Variants in RIMS2 observed in about 807,000 individuals in gnomAD.
The protein encoded by RIMS2 is regulating synaptic membrane exocytosis 2.
RIMS2 carries 59 observed loss-of-function variants against 174.4 expected under a neutral mutation model. The ratio of observed to expected loss-of-function variants is 0.34; its 90% CI spans 0.27 to 0.42. RIMS2 has a LOEUF of 0.42. Ranked by LOEUF, RIMS2 falls within the 10% of genes least tolerant of loss-of-function variation. The pLI, the probability that RIMS2 is intolerant of heterozygous loss-of-function variation, is 1.00. For missense variants in RIMS2, 1,620 were observed against 1,666.3 expected (o/e 0.97, Z 0.48); for synonymous variants, 606 against 572.5 (o/e 1.06, Z -0.84).
At chr8:103,747,442 T>A (rs1281170837) in intron 2 of RIMS2, among the ~76,000 whole-genome samples, 3 of 151,240 alleles carry the variant, frequency 2.0e-5, no homozygotes, top group Non-Finnish European at 2.9e-5. Flanking sequence ...AAAAAAAAAA[T>A]ATGACATGAT....
intron 1 of RIMS2, among the ~76,000 whole-genome samples, chr8:103,682,680 C>T (rs1250852149): frequency 1.3e-5 from 2 of 152,212 alleles, no homozygotes; most frequent in South Asian, 2.1e-4. Context: ...CTAGCAGTGT[C>T]TCATTTTATA....
chr8:103,749,297 A>T lies in RIMS2; in HGVS notation c.388-16930A>T, dbSNP rs576833009. Among the ~76,000 whole-genome samples the T allele has an allele frequency of 3.3e-5, 5 of 150,108 alleles. No homozygotes were observed. In the South Asian group the frequency reaches 1.0e-3, roughly 32 times the overall value. On this transcript the variant is annotated intron_variant, in intron 2 of 23. Transcript: ENST00000504942. ...CGGCTAACTTTTTTGTATTTTTAGTAGAAACGGGGTTTCACCATGTTCTCC... is the reference window on the plus strand; with the variant it reads ...CGGCTAACTTTTTTGTATTTTTAGTTGAAACGGGGTTTCACCATGTTCTCC...
At chr8:104,063,697 T>A (rs1445736325) in intron 19 of RIMS2, among the ~76,000 whole-genome samples, 1 of 152,202 alleles carries the variant, frequency 6.6e-6, no homozygotes, top group Non-Finnish European at 1.5e-5. Flanking sequence ...TGTAAGATCC[T>A]CAGATTTGAG....
At chr8:103,591,354 G>T (rs970526062) in intron 1 of RIMS2, among the ~76,000 whole-genome samples, 1 of 150,884 alleles carries the variant, frequency 6.6e-6, no homozygotes, top group African/African-American at 2.4e-5. Context: ...TTCTCCCAGT[G>T]TATGCTTGTC....
chr8:104,086,938 C>G (rs1453429382), intron 19 of RIMS2, among the ~76,000 whole-genome samples: 1 of 152,140 alleles, frequency 6.6e-6, no homozygotes, highest in Non-Finnish European at 1.5e-5. Flanking sequence ...GCCCAACTGT[C>G]TGTTCAGTGA....
intron 1 of RIMS2, among the ~76,000 whole-genome samples, chr8:103,569,388 TG>T (rs1345306164): frequency 6.6e-6 from 1 of 152,196 alleles, no homozygotes; most frequent in Non-Finnish European, 1.5e-5. Flanking sequence ...AGAACTGATC[TG>T]AAAAAAAGCT....
Position 103,758,176 on chromosome 8 carries a change from C to T in RIMS2, c.388-8051C>T, listed in dbSNP as rs1212729828. ...TAGGACCTCCTGTCTTTCTCTTCTTCTCTTTCTTCCTTCCTCTTTCCTCTG... is the reference window on the plus strand; with the variant it reads ...TAGGACCTCCTGTCTTTCTCTTCTTTTCTTTCTTCCTTCCTCTTTCCTCTG... On this transcript the variant is annotated intron_variant, in intron 2 of 23. Transcript: ENST00000504942. Among the ~76,000 whole-genome samples, 11 of 152,150 alleles carry T rather than the reference C, an allele frequency of 7.2e-5. 1 individual carries two copies. In the East Asian group the frequency reaches 2.1e-3, roughly 29 times the overall value.
At chr8:103,590,913 A>G (rs568195319) in intron 1 of RIMS2, among the ~76,000 whole-genome samples, 2 of 151,040 alleles carry the variant, frequency 1.3e-5, no homozygotes, top group Non-Finnish European at 3.0e-5. Context: ...CCTGTAAGTG[A>G]AATTGCTGGA....
At chr8:104,170,154 A>G (rs1274440221) in intron 19 of RIMS2, among the ~76,000 whole-genome samples, 4 of 152,048 alleles carry the variant, frequency 2.6e-5, no homozygotes, top group African/African-American at 9.7e-5. Context: ...GTTGGGAAAC[A>G]TTTTCTGTAA....
rs1477006672 is a variant in RIMS2 at position 103,935,147 on chromosome 8, C to G, written c.2376-1404C>G. 2.6e-5 allele frequency among the ~76,000 whole-genome samples: 4 copies of G among 152,150 alleles called. No homozygotes were observed. The East Asian group carries it at 7.7e-4, about 29-fold the overall frequency. On this transcript the variant is annotated intron_variant, in intron 12 of 23. Transcript: ENST00000504942. ...GATGTTAAATAAATATTTGTTAAAG[C>G]TATAAACGAAAGGAGGGAGAGAAAG...
At chr8:103,672,790 C>G (rs2096761185) in intron 1 of RIMS2, among the ~76,000 whole-genome samples, 1 of 152,100 alleles carries the variant, frequency 6.6e-6, no homozygotes, top group Admixed American at 6.5e-5. Flanking sequence ...TCATTTCCTT[C>G]TCACATAACT....
chr8:103,859,554 A>T (rs2099047646), intron 3 of RIMS2, among the ~76,000 whole-genome samples: 1 of 152,074 alleles, frequency 6.6e-6, no homozygotes, highest in South Asian at 2.1e-4. Flanking sequence ...TTCAACACAG[A>T]AAAAGATAAT....
At chr8:104,161,289 G>A (rs2098759410) in intron 19 of RIMS2, among the ~76,000 whole-genome samples, 1 of 152,112 alleles carries the variant, frequency 6.6e-6, no homozygotes, top group Non-Finnish European at 1.5e-5. Flanking sequence ...TTTAAATTGT[G>A]AAGATGCTGA....
At chr8:104,149,979 A>G (rs1012685055) in intron 19 of RIMS2, among the ~76,000 whole-genome samples, 4 of 152,202 alleles carry the variant, frequency 2.6e-5, no homozygotes, top group African/African-American at 9.6e-5. Context: ...ATTTTAATAT[A>G]TAAATAGAAG....
intron 2 of RIMS2, among the ~76,000 whole-genome samples, chr8:103,762,324 G>A (rs1220037684): frequency 6.6e-6 from 1 of 151,932 alleles, no homozygotes; most frequent in Non-Finnish European, 1.5e-5. Context: ...GATGTTTTTG[G>A]TAATTATGAG....
chr8:103,752,542 A>G (rs1005778731), intron 2 of RIMS2, among the ~76,000 whole-genome samples: 9 of 152,276 alleles, frequency 5.9e-5, no homozygotes, highest in African/African-American at 2.2e-4. Flanking sequence ...TACCTTGGGC[A>G]GTGTGGCCAT....
chr8:103,812,207 G>A (rs897574238), intron 3 of RIMS2, among the ~76,000 whole-genome samples: 2 of 151,754 alleles, frequency 1.3e-5, no homozygotes, highest in African/African-American at 4.8e-5. Flanking sequence ...AAATGTACTC[G>A]TCATCTTTAG....
At chr8:104,088,269 A>T (rs1265154754) in intron 19 of RIMS2, among the ~76,000 whole-genome samples, 2 of 152,110 alleles carry the variant, frequency 1.3e-5, no homozygotes, top group East Asian at 3.9e-4. Flanking sequence ...TTTTCTTTCG[A>T]TTATGACATG....
chr8:104,186,890 C>T (rs2098970908), intron 19 of RIMS2, among the ~76,000 whole-genome samples: 1 of 151,714 alleles, frequency 6.6e-6, no homozygotes, highest in Non-Finnish European at 1.5e-5. Flanking sequence ...GCATGACTGC[C>T]ACAATCTTCT....
Sources: gnomAD v4.1 joint callset for allele counts (sites outside exome capture counted in the v4.1 genomes callset) on GRCh38, gnomAD v4.1.1 for gene constraint, MANE v1.5 for transcripts, NCBI Gene and HGNC (gene_info 2026-07-23, HGNC 2026-07-21) for gene names.